Variants in CRTAC1 observed in about 807,000 individuals in gnomAD.
CRTAC1 encodes the protein acidic secreted protein in cartilage.
In CRTAC1, 37 loss-of-function variants were observed where a neutral mutation model predicts 67.8. The observed-to-expected ratio is 0.55, with a 90% CI of 0.42 to 0.72. The LOEUF (loss-of-function observed/expected upper bound fraction) is 0.72, where lower values mean the gene tolerates loss of function less well. CRTAC1 is among the 30% of genes least tolerant of loss of function. CRTAC1 has a pLI of 0.00. For synonymous variants in CRTAC1, 348 were observed against 371.0 expected, an observed-to-expected ratio of 0.94 and a Z score of 0.71; for missense variants, 780 against 931.6, an observed-to-expected ratio of 0.84 and a Z score of 2.12.
intron 14 of CRTAC1, chr10:97,879,721 G>A: frequency 6.4e-7 from 1 of 1,550,744 alleles, no homozygotes; most frequent in Non-Finnish European, 8.7e-7. Flanking sequence ...CCAAGGCCTA[G>A]AGAAAGATAT....
At chr10:98,002,685 G>A (rs1384163162) in intron 2 of CRTAC1, among the ~76,000 whole-genome samples, 1 of 146,166 alleles carries the variant, frequency 6.8e-6, no homozygotes, top group Non-Finnish European at 1.5e-5. Flanking sequence ...GTGTCAAACA[G>A]TGAGTTACAG....
intron 14 of CRTAC1, among the ~76,000 whole-genome samples, chr10:97,872,321 G>C (rs949850430): frequency 6.6e-6 from 1 of 152,190 alleles, no homozygotes; most frequent in African/African-American, 2.4e-5. Context: ...CAATTCACCT[G>C]CAAGTGGTCA....
At chr10:97,869,389 C>T (rs1310506535) in intron 14 of CRTAC1, 2 of 152,424 alleles carry the variant, frequency 1.3e-5, no homozygotes, top group Non-Finnish European at 2.9e-5. Context: ...GTAGCCATGT[C>T]CCTGCACCCA....
chr10:97,926,762 G>T (rs1322758871), intron 3 of CRTAC1, among the ~76,000 whole-genome samples: 2 of 152,192 alleles, frequency 1.3e-5, no homozygotes, highest in Non-Finnish European at 2.9e-5. Flanking sequence ...TGTTCAGAGG[G>T]TTCTGGATTT....
chr10:97,865,812 GC>G, intron 14 of CRTAC1, 98 bp from the exon 15 acceptor site: 2 of 1,367,660 alleles, frequency 1.5e-6, no homozygotes, highest in Non-Finnish European at 1.9e-6. Flanking sequence ...GGCTCACCCT[GC>G]TGCCCGGGGT....
In CRTAC1 at chr10:97,979,785, A is replaced by AT. The variant is rs973638026; in HGVS notation, c.224+31352dup. Among the ~76,000 whole-genome samples the AT allele has an allele frequency of 1.7e-4, 25 of 151,430 alleles. No individual in the cohort carries two copies. In the South Asian group the frequency reaches 4.2e-3, roughly 25 times the overall value. ...CTCTGGGGTGGAGCTTGTCACCAGT[A>AT]TTTTTTTTTGAAGGGTCCCCAGATG... On this transcript the variant is annotated intron_variant, in intron 2 of 14. Coordinates refer to ENST00000370597, the MANE Select transcript of CRTAC1 (RefSeq NM_018058.7).
chr10:97,913,007 A>G (rs1210760949), intron 5 of CRTAC1, among the ~76,000 whole-genome samples: 2 of 152,192 alleles, frequency 1.3e-5, no homozygotes, highest in Non-Finnish European at 2.9e-5. Context: ...AGACCTTAAT[A>G]GAAACAGGAT....
At chr10:97,916,339 C>T (rs977023160) in intron 5 of CRTAC1, among the ~76,000 whole-genome samples, 6 of 152,206 alleles carry the variant, frequency 3.9e-5, no homozygotes, top group Admixed American at 6.5e-5. Flanking sequence ...GGTACCTTCA[C>T]GCGCGGAGCT....
chr10:97,972,613 A>C (rs766584779), intron 2 of CRTAC1, among the ~76,000 whole-genome samples: 4 of 152,260 alleles, frequency 2.6e-5, no homozygotes, highest in African/African-American at 4.8e-5. Context: ...AAAAAAGTTT[A>C]TGCAGTGTTT....
chr10:98,014,974 A>G (rs1018168024), intron 1 of CRTAC1, among the ~76,000 whole-genome samples: 1 of 152,230 alleles, frequency 6.6e-6, no homozygotes, highest in Non-Finnish European at 1.5e-5. Context: ...GAGAAAAGAG[A>G]CATGAACAGA....
intron 2 of CRTAC1, among the ~76,000 whole-genome samples, chr10:97,991,099 CAAAAAAAAAA>C (rs757267901): frequency 2.8e-4 from 5 of 17,978 alleles, no homozygotes; most frequent in African/African-American, 7.5e-4. Flanking sequence ...ACCATCTCTA[CAAAAAAAAAA>C]AAAAAAAAAA....
intron 2 of CRTAC1, among the ~76,000 whole-genome samples, chr10:98,005,100 A>ATATATATTTTTTTT: frequency 4.1e-5 from 2 of 48,884 alleles, no homozygotes; most frequent in Non-Finnish European, 3.5e-5. Flanking sequence ...ATATATATAT[A>ATATATATTTTTTTT]TTTTTTTTTT....
intron 11 of CRTAC1, among the ~76,000 whole-genome samples, chr10:97,889,661 C>A (rs1189620762): frequency 6.6e-6 from 1 of 152,140 alleles, no homozygotes; most frequent in African/African-American, 2.4e-5. Context: ...TGGGGCAAGG[C>A]TGAGGCTGTC....
At chr10:97,997,862 C>T (rs1250727601) in intron 2 of CRTAC1, among the ~76,000 whole-genome samples, 1 of 152,118 alleles carries the variant, frequency 6.6e-6, no homozygotes, top group Non-Finnish European at 1.5e-5. Context: ...CACAGAGAGA[C>T]AGAAGATGAA....
At chr10:97,879,577 C>A in intron 14 of CRTAC1, 2 of 1,412,358 alleles carry the variant, frequency 1.4e-6, no homozygotes, top group East Asian at 2.5e-5. Context: ...AGGGAGCACA[C>A]AGCAGAACCT....
intron 11 of CRTAC1, among the ~76,000 whole-genome samples, chr10:97,890,205 C>T (rs12248174): frequency 0.012 from 1,781 of 152,224 alleles, 28 homozygotes; most frequent in African/African-American, 0.041. Context: ...CAGCCTCAAA[C>T]TCCTGGCCTT....
rs1347220699 is a variant in CRTAC1, at chr10:98,005,098, A to ATTTTTTTTTTTTT, written c.224+6039_224+6040insAAAAAAAAAAAAA. ...AAGTAATACATATATATATATATATATATTTTTTTTTTTTTTTTTTTTTGA... is the reference window on the plus strand; with the variant it reads ...AAGTAATACATATATATATATATATATTTTTTTTTTTTTTATTTTTTTTTTTTTTTTTTTTTGA... On this transcript the variant is annotated intron_variant, in intron 2 of 14. Coordinates refer to ENST00000370597, the MANE Select transcript of CRTAC1 (RefSeq NM_018058.7). Among the ~76,000 whole-genome samples, 217 of 38,136 alleles carry ATTTTTTTTTTTTT rather than the reference A, an allele frequency of 5.7e-3. 5 individuals carry two copies. The highest frequency in any genetic ancestry group is 7.4e-3 in the Non-Finnish European group (157 of 21,076). The allele number at this position is 38,136 out of a possible 152,430, so 25.0% of individuals were successfully genotyped here.
At chr10:97,935,134 T>C (rs573753602) in intron 3 of CRTAC1, among the ~76,000 whole-genome samples, 72 of 152,226 alleles carry the variant, frequency 4.7e-4, no homozygotes, top group African/African-American at 1.7e-3. Context: ...AGAGGATGGA[T>C]CTGGAGTCAG....
At chr10:97,898,977 G>A (rs115647131) in intron 8 of CRTAC1, among the ~76,000 whole-genome samples, 3,273 of 152,158 alleles carry the variant, frequency 0.022, 110 homozygotes, top group African/African-American at 0.072. Flanking sequence ...AGTTCCCTGG[G>A]TGCTGCAGGT....
Sources: gnomAD v4.1 joint callset for allele counts (sites outside exome capture counted in the v4.1 genomes callset) on GRCh38, gnomAD v4.1.1 for gene constraint, MANE v1.5 for transcripts, NCBI Gene and HGNC (gene_info 2026-07-23, HGNC 2026-07-21) for gene names.